Variants in ESPN observed in about 807,000 individuals in gnomAD.
ESPN encodes the protein espin.
In ESPN, 68 loss-of-function variants were observed where a neutral mutation model predicts 77.7. The ratio of observed to expected loss-of-function variants is 0.87; its 90% CI spans 0.72 to 1.07. The LOEUF (loss-of-function observed/expected upper bound fraction) is 1.07, where lower values mean the gene tolerates loss of function less well. Among genes scored for constraint, ESPN ranks in the 50% least tolerant of loss-of-function variants. The pLI, the probability that ESPN is intolerant of heterozygous loss-of-function variation, is 0.00. For missense variants in ESPN, 1,060 were observed against 1,239.0 expected (o/e 0.86, Z 2.17); for synonymous variants, 449 against 567.1 (o/e 0.79, Z 2.96).
rs1474868437 is a variant in ESPN at position 6,428,148 on chromosome 1, G to C, written c.295-78G>C. 5.1e-5 allele frequency: 75 copies of C among 1,465,420 alleles called. No individual in the cohort carries two copies. The highest frequency in any genetic ancestry group is 6.0e-5 in the Non-Finnish European group (63 of 1,046,900). 90.8% of individuals were successfully genotyped at this position (1,465,420 alleles called of 1,614,324 possible). A position where few individuals can be genotyped will look rare whatever the true frequency, so the allele number is the denominator to read the frequency against. ...GAGCACAGAGCTACCTTCCAGGCCT[G>C]TGGGAGTCTGGGAGTGGCCCAAGCC... On this transcript the variant is annotated intron_variant, in intron 1 of 12. Coordinates refer to ENST00000645284, the MANE Select transcript of ESPN (RefSeq NM_031475.3). This position sits in a 1 kb window ranked among gnomAD's most constrained non-coding sequence, Gnocchi z 5.4.
chr1:6,431,248 T>C (rs1294761626), intron 2 of ESPN, among the ~76,000 whole-genome samples: 1 of 152,176 alleles, frequency 6.6e-6, no homozygotes, highest in Admixed American at 6.5e-5. Flanking sequence ...TTTTATCAAC[T>C]TCAGCAGGTG....
chr1:6,458,517 T>C (rs1388455724), intron 12 of ESPN, among the ~76,000 whole-genome samples: 1 of 150,624 alleles, frequency 6.6e-6, no homozygotes, highest in African/African-American at 2.4e-5. Context: ...GGTTTTGCCA[T>C]GTTGGTCAGG....
chr1:6,449,012 G>A lies in ESPN; in HGVS notation c.1836G>A (p.Ser612=), dbSNP rs1035006421. ...CGCCCCTGCCGGAGGCCGCGAGTTC[G>A]CCACCGCCGGCCCCGCCTCTGCCCC... ...PPPPLPEAAS[S]PPPAPPLPLE... The change falls in exon 8 of 13, where the codon TCG becomes TCA. Residue 612 remains serine, a synonymous_variant. Coordinates refer to ENST00000645284, the MANE Select transcript of ESPN (RefSeq NM_031475.3). 2 of 1,458,590 alleles carry A rather than the reference G, an allele frequency of 1.4e-6. No homozygotes were observed. The highest frequency in any genetic ancestry group is 1.8e-6 in the Non-Finnish European group (2 of 1,111,446). 90.4% of individuals were successfully genotyped at this position (1,458,590 alleles called of 1,614,324 possible).
At chr1:6,433,255 C>T (rs1439785733) in intron 2 of ESPN, among the ~76,000 whole-genome samples, 14 of 152,074 alleles carry the variant, frequency 9.2e-5, no homozygotes, top group Admixed American at 9.2e-4. Context: ...CCAGCCCGGC[C>T]GATACGGTGA....
intron 5 of ESPN, among the ~76,000 whole-genome samples, chr1:6,441,454 A>G (rs1266942333): frequency 2.0e-5 from 3 of 152,226 alleles, no homozygotes; most frequent in Non-Finnish European, 4.4e-5. Context: ...CGGGGCACCA[A>G]GATGGCATCA....
intron 2 of ESPN, among the ~76,000 whole-genome samples, chr1:6,432,106 G>T (rs774862502): frequency 1.3e-5 from 2 of 152,166 alleles, no homozygotes; most frequent in African/African-American, 4.8e-5. Flanking sequence ...TTTGTGCAAG[G>T]CTTCATGGAG....
intron 2 of ESPN, among the ~76,000 whole-genome samples, chr1:6,435,457 A>G (rs1447468746): frequency 6.6e-6 from 1 of 152,254 alleles, no homozygotes; most frequent in Non-Finnish European, 1.5e-5. Context: ...GACTTGATGA[A>G]TAGTTACAGT....
intron 10 of ESPN, chr1:6,455,297 G>A (rs1476817141): frequency 2.6e-6 from 1 of 387,466 alleles, no homozygotes; most frequent in Non-Finnish European, 4.6e-6. Flanking sequence ...ACCTCTTCCT[G>A]GAGCACTGGC....
At position 6,445,001 on chromosome 1, in the gene ESPN, A is replaced by G. The variant is rs373908296; in HGVS notation, c.1192+319A>G. 1.7e-4 allele frequency among the ~76,000 whole-genome samples: 26 copies of G among 152,334 alleles called. No homozygotes were observed. The East Asian group carries it at 1.9e-3, about 11-fold the overall frequency. ...ACTTGTACATGTGTACATACAGCAT[A>G]CAGATATGAACACACAGAGCCATGC... is the stretch of plus-strand genomic sequence containing the variant. On this transcript the variant is annotated intron_variant, in intron 6 of 12. Transcript: ENST00000645284.
In ESPN at chr1:6,425,251, T is replaced by C; in HGVS notation, c.294+2T>C. The C allele has an allele frequency of 6.4e-7, 1 of 1,567,722 alleles. No homozygotes were observed. The highest frequency in any genetic ancestry group is 8.6e-7 in the Non-Finnish European group (1 of 1,165,488). On this transcript the variant is annotated splice_donor_variant, in intron 1 of 12. Transcript: ENST00000645284. LOFTEE classifies it high-confidence loss of function. ...TCGCAGGGCGGCTGCAGAGTGCAGG[T>C]GGGTCCGCGCGGTTCGCCAGGGGCA...
In ESPN at chr1:6,428,381, CTT is replaced by C; in HGVS notation, c.451_452del (p.Phe151ProfsTer12). On this transcript the variant is annotated frameshift_variant, in exon 2 of 13. Coordinates refer to ENST00000645284, the MANE Select transcript of ESPN (RefSeq NM_031475.3). LOFTEE classifies it high-confidence loss of function. This position sits in a 1 kb window ranked among gnomAD's most constrained non-coding sequence, Gnocchi z 5.4. Reference sequence around the variant, plus strand: ...TCCACTACGCTGCCGCCAAAGGAGACTTCCCCTCCCTGAGGCTTCTCGTCGAG... The same window carrying C: ...TCCACTACGCTGCCGCCAAAGGAGACCCCCTCCCTGAGGCTTCTCGTCGAG... ...PIHYAAAKGD[F>X]PSLRLLVEHY... 7 of 1,612,878 alleles carry C rather than the reference CTT, an allele frequency of 4.3e-6. No individual in the cohort carries two copies. In the South Asian group the frequency reaches 7.7e-5, roughly 18 times the overall value.
In ESPN at chr1:6,451,452, C is replaced by A; in HGVS notation, c.1916-151C>A. On this transcript the variant is annotated intron_variant, in intron 8 of 12. Transcript: ENST00000645284. The surrounding 1 kb of genome is among the most constrained non-coding windows in gnomAD (Gnocchi z 4.3). ...CTCTGGGGGCCCTGAAACCTGCCTG[C>A]AGGACCTGGGATCTGGAGAGCTGCC... 9.0e-7 allele frequency: 1 copy of A among 1,112,164 alleles called. No homozygotes were observed. Among genetic ancestry groups the A allele is most frequent in the Non-Finnish European group, 1.3e-6 (1 of 755,720 alleles). The allele number at this position is 1,112,164 out of a possible 1,614,324, so 68.9% of individuals were successfully genotyped here.
intron 5 of ESPN, chr1:6,443,090 C>G (rs1385439980): frequency 7.1e-6 from 1 of 140,002 alleles, no homozygotes; most frequent in Admixed American, 7.2e-5. Flanking sequence ...GAGAATTGCT[C>G]GAACCCGGGA....
rs182536354 is a variant in ESPN, at chr1:6,456,267, C to T, written c.2326-917C>T. ...GTGGGCCTGGACGCCTGTCTGACGC[C>T]CTCCAGAGGCTGGAAGCAGCAGGAA... On this transcript the variant is annotated intron_variant, in intron 10 of 12. Coordinates refer to ENST00000645284, the MANE Select transcript of ESPN (RefSeq NM_031475.3). 1,401 of 391,460 alleles carry T rather than the reference C, an allele frequency of 3.6e-3. 14 individuals are homozygous for T. Among genetic ancestry groups the T allele is most frequent in the African/African-American group, 0.026 (1,275 of 48,340 alleles). The allele number at this position is 391,460 out of a possible 1,614,324, so 24.2% of individuals were successfully genotyped here.
chr1:6,445,188 TCAAA>T (rs1423140423), intron 6 of ESPN, among the ~76,000 whole-genome samples: 3 of 152,126 alleles, frequency 2.0e-5, no homozygotes, highest in South Asian at 2.1e-4. Flanking sequence ...GCGTACCCCC[TCAAA>T]CATACACAAA....
In ESPN at chr1:6,457,242, G is replaced by A. The variant is rs747570677; in HGVS notation, c.2384G>A (p.Arg795Gln). The change falls in exon 11 of 13, where the codon CGG (arginine) becomes CAG (glutamine). Residue 795 changes from arginine to glutamine, a missense_variant. By Grantham distance (43) the Arg-to-Gln change is conservative (BLOSUM62 1). This residue lies in a region of ESPN where 374 missense variants were observed against 381.4 expected (regional missense o/e 0.98). Coordinates refer to ENST00000645284, the MANE Select transcript of ESPN (RefSeq NM_031475.3). The part of the protein sequence containing the change: ...SMPAWRRDLL[R>Q]KKLEEEREQK... ...CCCGCCTGGAGGCGGGACCTCCTGC[G>A]GAAGAAGCTGGAAGAAGAGAGGTGA... 4.3e-6 allele frequency: 7 copies of A among 1,613,806 alleles called. No individual in the cohort carries two copies. In the Admixed American group the frequency reaches 5.0e-5, roughly 12 times the overall value.
Position 6,455,165 on chromosome 1 carries a change from C to T in ESPN, c.2326-2019C>T, listed in dbSNP as rs951557603. 51 of 388,592 alleles carry T rather than the reference C, an allele frequency of 1.3e-4. No individual in the cohort carries two copies. The East Asian group carries it at 1.8e-3, about 13-fold the overall frequency. 24.1% of individuals were successfully genotyped at this position (388,592 alleles called of 1,614,324 possible). On this transcript the variant is annotated intron_variant, in intron 10 of 12. Transcript: ENST00000645284. ...AGCCCCTGGGCACCCTGGGCCCGCC[C>T]GAGGTACAGGATCGCCAGGCGGCGC...
intron 3 of ESPN, 23 bp from the exon 4 acceptor site, chr1:6,440,603 C>T: frequency 1.6e-6 from 2 of 1,261,252 alleles, no homozygotes; most frequent in Non-Finnish European, 2.2e-6. Flanking sequence ...CCCCGCCCCC[C>T]TCTCCCCGCC....
At position 6,448,671 on chromosome 1, in the gene ESPN, C is replaced by T. The variant is rs1264095493; in HGVS notation, c.1495C>T (p.Arg499Trp). 14 of 1,558,086 alleles carry T rather than the reference C, an allele frequency of 9.0e-6. No homozygotes were observed. The highest frequency in any genetic ancestry group is 5.5e-5 in the African/African-American group (4 of 72,342). The part of the protein sequence containing the change: ...LSSCDGHDGL[R>W]RQDSSRKPRA... ...CTCCTGTGACGGCCACGACGGGCTG[C>T]GGAGGCAGGACTCCAGCCGCAAGCC... The change falls in exon 8 of 13, where the codon CGG becomes TGG. Residue 499 changes from arginine (R) to tryptophan (W), a missense_variant. Physicochemically the swap from Arg to Trp is moderately radical, Grantham distance 101 (BLOSUM62 -3). Around this residue, in one of 3 missense-constraint regions of ESPN, gnomAD observed 130 missense variants for 223.9 expected, o/e 0.58. Transcript: ENST00000645284.
Sources: allele counts gnomAD v4.1 joint callset (sites outside exome capture counted in the v4.1 genomes callset), GRCh38; gene constraint gnomAD v4.1.1; regional missense constraint gnomAD v4.1.1; non-coding constraint Gnocchi (gnomAD v3.1); transcripts MANE v1.5; gene names NCBI Gene and HGNC (gene_info 2026-07-23, HGNC 2026-07-21).